The following KMT2E variants were observed in gnomAD, a reference collection of about 807,000 sequenced individuals.
KMT2E encodes histone reader KMT2E.
KMT2E carries 30 observed loss-of-function variants against 184.6 expected under a neutral mutation model. The observed-to-expected ratio is 0.16, with a 90% CI of 0.12 to 0.22. The LOEUF (loss-of-function observed/expected upper bound fraction) is 0.22, where lower values mean the gene tolerates loss of function less well. KMT2E is among the 10% of genes least tolerant of loss of function. The pLI is 1.00. For missense variants in KMT2E, 2,023 were observed against 2,237.4 expected, an observed-to-expected ratio of 0.90 and a Z score of 1.93; for synonymous variants, 815 against 776.5, an observed-to-expected ratio of 1.05 and a Z score of -0.82.
chr7:105,101,454 T>C lies in KMT2E; in HGVS notation c.1752T>C (p.Ile584=). 1 of 1,562,346 alleles carries C rather than the reference T, an allele frequency of 6.4e-7. No homozygotes were observed. Among genetic ancestry groups the C allele is most frequent in the Non-Finnish European group, 8.6e-7 (1 of 1,162,826 alleles). The change falls in exon 16 of 27, where the codon ATT becomes ATC. Residue 584 remains isoleucine, a synonymous_variant. Transcript: ENST00000311117. The stretch of plus-strand genomic sequence containing the variant: ...GAGAAGAAAGAAAAATGGAAGCAAT[T>C]TTGCAAGCTTTTGCCAGACTTGAAA... ...MTREERKMEA[I]LQAFARLEKR... is the part of the protein sequence containing the mutation.
At chr7:105,075,070 A>T (rs1407699309) in intron 8 of KMT2E, among the ~76,000 whole-genome samples, 1 of 152,252 alleles carries the variant, frequency 6.6e-6, no homozygotes, top group African/African-American at 2.4e-5. Flanking sequence ...AAGCAAAAAT[A>T]AAATAGAAAG....
intron 1 of KMT2E, among the ~76,000 whole-genome samples, chr7:105,034,579 T>C (rs1795554926): frequency 6.6e-6 from 1 of 152,044 alleles, no homozygotes; most frequent in Non-Finnish European, 1.5e-5. Flanking sequence ...TTATTCAGGC[T>C]TCCCAGTTGT....
chr7:105,071,578 G>C (rs1468082870), intron 6 of KMT2E, among the ~76,000 whole-genome samples: 1 of 51,426 alleles, frequency 1.9e-5, no homozygotes, highest in African/African-American at 1.1e-4. Flanking sequence ...ATGTATGTGT[G>C]TGTGTATATA....
intron 6 of KMT2E, among the ~76,000 whole-genome samples, chr7:105,069,620 A>T (rs1438515413): frequency 6.6e-6 from 1 of 152,256 alleles, no homozygotes; most frequent in Non-Finnish European, 1.5e-5. Context: ...AAAAAATTAA[A>T]TGTTCTGAGT....
intron 1 of KMT2E, among the ~76,000 whole-genome samples, chr7:105,027,019 A>G (rs1156373898): frequency 6.7e-6 from 1 of 149,088 alleles, no homozygotes; most frequent in African/African-American, 2.5e-5. Context: ...AGCTCACTAT[A>G]TGTGGGTTAT....
intron 20 of KMT2E, 75 bp downstream of exon 20, chr7:105,106,847 C>T: frequency 7.2e-7 from 1 of 1,384,310 alleles, no homozygotes; most frequent in Non-Finnish European, 1.0e-6. Flanking sequence ...TCTTTCCCCT[C>T]CTTTAACAAC....
intron 15 of KMT2E, among the ~76,000 whole-genome samples, chr7:105,093,040 T>A (rs1274206232): frequency 6.6e-6 from 1 of 151,972 alleles, no homozygotes; most frequent in Non-Finnish European, 1.5e-5. Flanking sequence ...ACAAAAAATT[T>A]AAAAATTAGC....
At position 105,107,709 on chromosome 7, in the gene KMT2E, G is replaced by C; in HGVS notation, c.3252G>C (p.Leu1084Phe). The C allele has an allele frequency of 6.2e-7, 1 of 1,614,156 alleles. No individual in the cohort carries two copies. The highest frequency in any genetic ancestry group is 8.5e-7 in the Non-Finnish European group (1 of 1,180,016). Reference protein sequence around the residue: ...TGVNFSVNSNLRDLTPSHQLE... With the variant: ...TGVNFSVNSNFRDLTPSHQLE... ...TTAACTTCTCAGTGAACTCCAACTT[G>C]AGGGACCTGACACCCTCGCATCAGT... Residue 1084 changes from leucine to phenylalanine, a missense_variant, in exon 22 of 27, where the codon TTG (leucine) becomes TTC (phenylalanine). Transcript: ENST00000311117.
intron 15 of KMT2E, among the ~76,000 whole-genome samples, chr7:105,094,791 T>C (rs756866138): frequency 7.2e-5 from 11 of 152,188 alleles, no homozygotes; most frequent in Admixed American, 3.3e-4. Context: ...TTCACATAAC[T>C]GTCATTACAG....
chr7:105,043,544 A>G (rs1243259597), intron 3 of KMT2E, among the ~76,000 whole-genome samples: 2 of 152,180 alleles, frequency 1.3e-5, no homozygotes, highest in Non-Finnish European at 2.9e-5. Flanking sequence ...CCACTTACTT[A>G]AATTTCTGCA....
rs186797043 is a variant in KMT2E, at chr7:105,070,603, C to T, written c.498-3016C>T. 6.2e-5 allele frequency among the ~76,000 whole-genome samples: 9 copies of T among 144,250 alleles called. No individual in the cohort carries two copies. In the East Asian group the frequency reaches 1.6e-3, roughly 26 times the overall value. The allele number at this position is 144,250 out of a possible 152,430, so 94.6% of individuals were successfully genotyped here. A position where few individuals can be genotyped will look rare whatever the true frequency, so the allele number is the denominator to read the frequency against. On this transcript the variant is annotated intron_variant, in intron 6 of 26. Transcript: ENST00000311117. ...GAGCTGAGATCACACAGCTGCACTC[C>T]GCCTGTGTGAGAGAGCGGGACTGTG...
chr7:105,022,099 GTA>G (rs2129564033), intron 1 of KMT2E, among the ~76,000 whole-genome samples: 1 of 152,196 alleles, frequency 6.6e-6, no homozygotes, highest in Admixed American at 6.5e-5. Flanking sequence ...TATTACTGAA[GTA>G]TGCATTTCCT....
In KMT2E at chr7:105,033,257, A is replaced by G. The variant is rs112391227; in HGVS notation, c.-188-4869A>G. ...TGTGTTAATATTTCATGTGTAGGCA[A>G]ATTGCTACCAATGCTTAAAAAGAGT... On this transcript the variant is annotated intron_variant, in intron 1 of 26. Coordinates refer to ENST00000311117, the MANE Select transcript of KMT2E (RefSeq NM_182931.3). Among the ~76,000 whole-genome samples, 830 of 152,352 alleles carry G rather than the reference A, an allele frequency of 5.4e-3. 6 individuals carry two copies. The highest frequency in any genetic ancestry group is 7.9e-3 in the Non-Finnish European group (539 of 68,028).
chr7:105,031,853 G>A (rs1456508528), intron 1 of KMT2E, among the ~76,000 whole-genome samples: 1 of 150,356 alleles, frequency 6.7e-6, no homozygotes, highest in Non-Finnish European at 1.5e-5. Context: ...GTGGATCACT[G>A]GAGGTCAGGA....
chr7:105,099,957 G>A (rs1456947213), intron 15 of KMT2E, among the ~76,000 whole-genome samples: 1 of 152,138 alleles, frequency 6.6e-6, no homozygotes, highest in Non-Finnish European at 1.5e-5. Context: ...AAGACAAAAA[G>A]GGGTAAAGGT....
At chr7:105,022,602 T>C (rs1356945074) in intron 1 of KMT2E, among the ~76,000 whole-genome samples, 1 of 152,192 alleles carries the variant, frequency 6.6e-6, no homozygotes, top group Admixed American at 6.5e-5. Flanking sequence ...GGAAATACTT[T>C]GAGATTGTAT....
chr7:105,070,161 T>A lies in KMT2E; in HGVS notation c.497+3354T>A, dbSNP rs566682915. The stretch of plus-strand genomic sequence containing the variant: ...GTGAACATTTGTTTACAGGTTTTTG[T>A]GTGAACCTAAGTTGTTTTTCCCCCT... On this transcript the variant is annotated intron_variant, in intron 6 of 26. Transcript: ENST00000311117. Among the ~76,000 whole-genome samples, 32 of 151,934 alleles carry A rather than the reference T, an allele frequency of 2.1e-4. No individual in the cohort carries two copies. In the South Asian group the frequency reaches 6.2e-3, roughly 30 times the overall value.
intron 15 of KMT2E, among the ~76,000 whole-genome samples, chr7:105,094,284 G>A (rs1161261999): frequency 6.6e-6 from 1 of 152,130 alleles, no homozygotes; most frequent in Non-Finnish European, 1.5e-5. Context: ...GACAAAGAGG[G>A]ACAACTAATA....
chr7:105,104,914 A>G (rs533467563), intron 17 of KMT2E: 1 of 152,440 alleles, frequency 6.6e-6, no homozygotes, highest in East Asian at 1.9e-4. Context: ...CACACCTGTA[A>G]ACTCAGCACT....
Sources: gnomAD v4.1 joint callset for allele counts (sites outside exome capture counted in the v4.1 genomes callset) on GRCh38, gnomAD v4.1.1 for gene constraint, MANE v1.5 for transcripts, NCBI Gene and HGNC (gene_info 2026-07-23, HGNC 2026-07-21) for gene names.